GK: variants seen among roughly 807,000 people sequenced by gnomAD.
The protein encoded by GK is ATP:glycerol 3-phosphotransferase.
A neutral mutation model predicts 56.4 loss-of-function variants in GK; 9 were observed. The observed-to-expected ratio is 0.16, with a 90% CI of 0.10 to 0.28. GK has a LOEUF of 0.28. Among genes scored for constraint, GK ranks in the 10% least tolerant of loss-of-function variants. GK has a pLI of 1.00. For missense variants in GK, 161 were observed against 431.4 expected (o/e 0.37, Z 5.55); for synonymous variants, 104 against 144.1 (o/e 0.72, Z 1.99).
chrX:30,700,794 C>A, intron 10 of GK, 44 bp from the exon 11 acceptor site: 2 of 825,127 alleles, frequency 2.4e-6, no homozygotes, highest in Admixed American at 2.2e-5. Context: ...AAAGTTAATA[C>A]TATTGTATTA....
chrX:30,696,044 T>A lies in GK; in HGVS notation c.555T>A (p.Ser185Arg), dbSNP rs148306668. Residue 185 changes from serine (S) to arginine (R), a missense_variant and splice_region_variant, in exon 7 of 21, where the codon AGT becomes AGA. Transcript: ENST00000427190. ...CCTGATTTTTTTACTCTGCCTAGAG[T>A]TTGACAGGAGGAGTCAATGGAGGTG... The part of the protein sequence containing the change: ...FGTIDSWLIW[S>R]LTGGVNGGVH... The A allele has an allele frequency of 3.8e-6, 4 of 1,061,253 alleles. No homozygotes were observed. The allele number at this position is 1,061,253 out of a possible 1,213,427, so 87.5% of individuals were successfully genotyped here.
intron 13 of GK, among the ~76,000 whole-genome samples, chrX:30,714,702 G>A (rs1936521177): frequency 8.9e-6 from 1 of 111,940 alleles, no homozygotes; most frequent in South Asian, 3.7e-4. Flanking sequence ...ATATCACCAC[G>A]CTCAAGAGGC....
At chrX:30,727,438 G>C (rs1271780770) in intron 19 of GK, 28 bp from the exon 20 acceptor site, 1 of 947,434 alleles carries the variant, frequency 1.1e-6, no homozygotes, top group Non-Finnish European at 1.5e-6. Context: ...TGCTTGACTG[G>C]AATTCTCTTC....
At chrX:30,681,490 A>G (rs1450275257) in intron 4 of GK, among the ~76,000 whole-genome samples, 1 of 112,140 alleles carries the variant, frequency 8.9e-6, no homozygotes, top group African/African-American at 3.2e-5. Context: ...GAAGTTTAAT[A>G]TATTTGTAAT....
intron 5 of GK, among the ~76,000 whole-genome samples, chrX:30,693,768 C>T (rs947467098): frequency 7.2e-5 from 8 of 110,431 alleles, no homozygotes; most frequent in Non-Finnish European, 1.5e-4. Context: ...AGGTTGGTTT[C>T]GAGCTCCTAA....
At chrX:30,709,911 A>G (rs1047601615) in intron 13 of GK, among the ~76,000 whole-genome samples, 2 of 111,137 alleles carry the variant, frequency 1.8e-5, no homozygotes, top group Admixed American at 9.6e-5. Context: ...GTTTAATTTC[A>G]TAATAGTGAT....
chrX:30,705,214 T>C (rs1935932619), intron 11 of GK, among the ~76,000 whole-genome samples: 1 of 111,775 alleles, frequency 8.9e-6, no homozygotes, highest in African/African-American at 3.3e-5. Context: ...ATTTAGTTAA[T>C]TTCTCCCAAC....
chrX:30,658,626 T>G (rs1932489396), intron 1 of GK, among the ~76,000 whole-genome samples: 1 of 112,558 alleles, frequency 8.9e-6, no homozygotes, highest in African/African-American at 3.2e-5. Context: ...AAGTTGTGGT[T>G]CTTTTGTTGT....
At chrX:30,679,512 G>A (rs1435256796) in intron 4 of GK, among the ~76,000 whole-genome samples, 1 of 111,845 alleles carries the variant, frequency 8.9e-6, no homozygotes, top group Non-Finnish European at 1.9e-5. Context: ...ACATTGAATT[G>A]TAAAAATGGA....
chrX:30,683,453 G>A (rs1476530011), intron 4 of GK, among the ~76,000 whole-genome samples: 5 of 110,887 alleles, frequency 4.5e-5, no homozygotes, highest in African/African-American at 1.6e-4. Context: ...TATGGCTCAG[G>A]GACACTTGAT....
rs781583812 is a variant in GK, at chrX:30,710,709, A to C, written c.975+2575A>C. 1.6e-4 allele frequency among the ~76,000 whole-genome samples: 18 copies of C among 111,744 alleles called. No homozygotes were observed. In the South Asian group the frequency reaches 6.3e-3, roughly 39 times the overall value. On this transcript the variant is annotated intron_variant, in intron 13 of 20. Coordinates refer to ENST00000427190, the MANE Select transcript of GK (RefSeq NM_001205019.2). ...TTAAAACCTAAAACTATAGCTACCC[A>C]TCTTCAGTCTTTTAGTCTTTTTCCA...
intron 2 of GK, among the ~76,000 whole-genome samples, chrX:30,667,648 C>G (rs776496383): frequency 9.0e-6 from 1 of 111,497 alleles, no homozygotes; most frequent in Non-Finnish European, 1.9e-5. Flanking sequence ...AAATAATCAG[C>G]GATTAGTGAA....
At chrX:30,677,865 A>G (rs1252991806) in intron 4 of GK, 2 of 448,803 alleles carry the variant, frequency 4.5e-6, no homozygotes, top group African/African-American at 5.0e-5. Context: ...ACATGCAGTC[A>G]TGGTACCTAT....
chrX:30,696,235 G>A, intron 7 of GK, 84 bp downstream of exon 7: 3 of 571,813 alleles, frequency 5.2e-6, no homozygotes, highest in Non-Finnish European at 9.1e-6. Flanking sequence ...AGATGTCAGT[G>A]GAGCACCAAA....
At chrX:30,701,788 C>T (rs1361952269) in intron 11 of GK, among the ~76,000 whole-genome samples, 1 of 111,934 alleles carries the variant, frequency 8.9e-6, no homozygotes, top group African/African-American at 3.2e-5. Flanking sequence ...CATCTTCTTA[C>T]TACTCACACA....
At chrX:30,697,857 A>G in intron 9 of GK, 108 bp downstream of exon 9, 1 of 597,160 alleles carries the variant, frequency 1.7e-6, no homozygotes, top group Non-Finnish European at 2.9e-6. Flanking sequence ...ATATATATCT[A>G]GAATTTCCGT....
At chrX:30,655,063 T>TGA (rs1932156043) in intron 1 of GK, among the ~76,000 whole-genome samples, 1 of 112,209 alleles carries the variant, frequency 8.9e-6, no homozygotes. Context: ...TTGTCTAAAG[T>TGA]GAGAAGCTTT....
intron 2 of GK, among the ~76,000 whole-genome samples, chrX:30,665,790 G>A (rs1933036635): frequency 8.9e-6 from 1 of 111,910 alleles, no homozygotes; most frequent in Admixed American, 9.6e-5. Flanking sequence ...TAAAGATAAG[G>A]AATGAATAAT....
intron 5 of GK, among the ~76,000 whole-genome samples, chrX:30,692,770 A>G (rs901886476): frequency 9.2e-5 from 10 of 108,246 alleles, no homozygotes; most frequent in Non-Finnish European, 1.5e-4. Context: ...TCCTTCCATT[A>G]TTTTTGTGCA....
Sources: gnomAD v4.1 joint callset for allele counts (sites outside exome capture counted in the v4.1 genomes callset) on GRCh38, gnomAD v4.1.1 for gene constraint, MANE v1.5 for transcripts, NCBI Gene and HGNC (gene_info 2026-07-23, HGNC 2026-07-21) for gene names.